Variants in HERC1 observed in about 807,000 individuals in gnomAD.
HERC1 encodes HECT and RLD domain containing E3 ubiquitin protein ligase family member 1.
HERC1 carries 160 observed loss-of-function variants against 554.3 expected under a neutral mutation model. The observed-to-expected ratio is 0.29, with a 90% CI of 0.25 to 0.33. The LOEUF is 0.33. Among genes scored for constraint, HERC1 ranks in the 10% least tolerant of loss-of-function variants. HERC1 has a pLI of 1.00. For synonymous variants in HERC1, 2,175 were observed against 2,131.7 expected, an observed-to-expected ratio of 1.02 and a Z score of -0.56; for missense variants, 4,919 against 5,918.5, an observed-to-expected ratio of 0.83 and a Z score of 5.54.
At chr15:63,811,616 T>C (rs2077313313) in intron 1 of HERC1, among the ~76,000 whole-genome samples, 2 of 151,920 alleles carry the variant, frequency 1.3e-5, no homozygotes, top group South Asian at 4.2e-4. Context: ...GAGACCATCC[T>C]GGCTAACATG....
Position 63,674,647 on chromosome 15 carries a change from C to A in HERC1, c.7541G>T (p.Gly2514Val). The stretch of plus-strand genomic sequence containing the variant: ...AAGGGCACTAAGTGACTTCATAGCA[C>A]CGAGGTAAAGATAGGACAGCTGGAC... ...RAVQLSYLYLGAMKSLSALLG... is the reference protein window; with the variant it reads ...RAVQLSYLYLVAMKSLSALLG... The change falls in exon 38 of 78, where the codon GGT becomes GTT. Residue 2514 changes from glycine to valine, a missense_variant. This residue lies in a region of HERC1 where 1,963 missense variants were observed against 2,228.6 expected (regional missense o/e 0.88). Transcript: ENST00000443617. The A allele has an allele frequency of 6.2e-7, 1 of 1,613,730 alleles. No homozygotes were observed. Among genetic ancestry groups the A allele is most frequent in the Non-Finnish European group, 8.5e-7 (1 of 1,179,754 alleles).
chr15:63,644,692 G>A (rs2069241844), intron 57 of HERC1, among the ~76,000 whole-genome samples: 1 of 152,084 alleles, frequency 6.6e-6, no homozygotes, highest in South Asian at 2.1e-4. Flanking sequence ...TGCTCCCATG[G>A]AGTTTCTATT....
intron 38 of HERC1, among the ~76,000 whole-genome samples, chr15:63,673,793 C>T (rs2071057724): frequency 6.6e-6 from 1 of 152,198 alleles, no homozygotes; most frequent in Non-Finnish European, 1.5e-5. Flanking sequence ...GGCACAATCT[C>T]GGCTCACTGT....
Position 63,650,047 on chromosome 15 carries a change from A to T in HERC1, c.10547-122T>A, listed in dbSNP as rs115845090. 920 of 654,868 alleles carry T rather than the reference A, an allele frequency of 1.4e-3. 9 individuals carry two copies. The African/African-American group carries it at 0.015, about 11-fold the overall frequency. The allele number at this position is 654,868 out of a possible 1,614,324, so 40.6% of individuals were successfully genotyped here. A position where few individuals can be genotyped will look rare whatever the true frequency, so the allele number is the denominator to read the frequency against. ...GCAGTTCCAAATTTCATAATAGCCT[A>T]CTAATGAATAAGACCATGAAGGCAG... On this transcript the variant is annotated intron_variant, in intron 53 of 77. Transcript: ENST00000443617.
Position 63,729,320 on chromosome 15 carries a change from G to T in HERC1, c.3070C>A (p.Pro1024Thr). 1 of 1,610,816 alleles carries T rather than the reference G, an allele frequency of 6.2e-7. No homozygotes were observed. The change falls in exon 16 of 78, where the codon CCT (proline) becomes ACT (threonine). Residue 1024 changes from proline to threonine, a missense_variant. This residue lies in a region of HERC1 where 1,121 missense variants were observed against 1,244.0 expected (regional missense o/e 0.90). Coordinates refer to ENST00000443617, the MANE Select transcript of HERC1 (RefSeq NM_003922.4). The stretch of plus-strand genomic sequence containing the variant: ...CGTGAATAAATATCTGTGGCATGAG[G>T]CAACAAAAGCTGAAGATGTTTATGA... ...LLHKHLQLLL[P>T]HATDIYSRSA...
chr15:63,624,129 A>C, intron 72 of HERC1, 29 bp downstream of exon 72: 1 of 1,559,488 alleles, frequency 6.4e-7, no homozygotes, highest in African/African-American at 1.4e-5. Flanking sequence ...ATCACAGCTC[A>C]TTAGTCAAAC....
chr15:63,793,842 G>A (rs12148666), intron 1 of HERC1, among the ~76,000 whole-genome samples: 39,332 of 151,968 alleles, frequency 0.26, 5,629 homozygotes, highest in Middle Eastern at 0.38. Flanking sequence ...GTAGGAGCTG[G>A]GTAAAATGAG....
intron 8 of HERC1, among the ~76,000 whole-genome samples, chr15:63,750,459 A>C (rs1281158648): frequency 6.6e-6 from 1 of 152,218 alleles, no homozygotes; most frequent in Non-Finnish European, 1.5e-5. Flanking sequence ...TTGGCAACCC[A>C]AAATCAACAA....
chr15:63,636,272 A>ATTTTT, intron 64 of HERC1, 130 bp from the exon 65 acceptor site: 1 of 608,568 alleles, frequency 1.6e-6, no homozygotes, highest in Non-Finnish European at 2.6e-6. Context: ...TAATTTCATT[A>ATTTTT]GTTTTTTTTT....
intron 38 of HERC1, 35 bp downstream of exon 38, chr15:63,674,307 A>C (rs1304196528): frequency 6.6e-7 from 1 of 1,517,776 alleles, no homozygotes; most frequent in East Asian, 2.3e-5. Flanking sequence ...TCTCAACAGC[A>C]CAAAAGCAAA....
intron 43 of HERC1, among the ~76,000 whole-genome samples, chr15:63,664,115 T>G (rs912254425): frequency 6.6e-6 from 1 of 152,188 alleles, no homozygotes. Flanking sequence ...TTTGGCACAG[T>G]GCCCTTTCCA....
rs1340865493 is a variant in HERC1, at chr15:63,623,847, C to T, written c.13489G>A (p.Val4497Ile). Residue 4497 changes from valine (V) to isoleucine (I), a missense_variant, in exon 73 of 78, where the codon GTA (valine) becomes ATA (isoleucine). Val to Ile is a conservative substitution (Grantham distance 29). Around this residue, in one of 11 missense-constraint regions of HERC1, gnomAD observed 410 missense variants for 467.0 expected, o/e 0.88. Transcript: ENST00000443617. Reference protein sequence around the residue: ...KPIFVQIARQVVKLNASDLRL... With the variant: ...KPIFVQIARQIVKLNASDLRL... ...AGGTCTGAAGCATTCAGCTTAACTACTTGTCTCGCTATTTGGACAAAAATA... is the reference window on the plus strand; with the variant it reads ...AGGTCTGAAGCATTCAGCTTAACTATTTGTCTCGCTATTTGGACAAAAATA... 1 of 1,614,030 alleles carries T rather than the reference C, an allele frequency of 6.2e-7. No individual in the cohort carries two copies. Among genetic ancestry groups the T allele is most frequent in the Non-Finnish European group, 8.5e-7 (1 of 1,179,896 alleles).
chr15:63,634,705 T>C (rs1566958246), intron 66 of HERC1, 28 bp downstream of exon 66: 4 of 1,590,140 alleles, frequency 2.5e-6, no homozygotes, highest in Middle Eastern at 1.7e-4. Context: ...AATGATCAGC[T>C]AGAATATCTT....
At chr15:63,682,408 G>C (rs1044762555) in intron 34 of HERC1, among the ~76,000 whole-genome samples, 2 of 152,168 alleles carry the variant, frequency 1.3e-5, no homozygotes, top group African/African-American at 4.8e-5. Flanking sequence ...CTTTAGATGA[G>C]CCAGAGTAGA....
In HERC1 at chr15:63,612,489, T is replaced by A; in HGVS notation, c.14162A>T (p.Lys4721Ile). The A allele has an allele frequency of 1.9e-6, 3 of 1,613,970 alleles. No individual in the cohort carries two copies. The highest frequency in any genetic ancestry group is 2.5e-6 in the Non-Finnish European group (3 of 1,179,870). ...CCCACACACCATCTGCTCCAGTTGTTTTGCTGTGAGGAGGGACAGCAGCGG... is the reference window on the plus strand; with the variant it reads ...CCCACACACCATCTGCTCCAGTTGTATTGCTGTGAGGAGGGACAGCAGCGG... ...PVPLLSLLTA[K>I]QLEQMVCGMP... Residue 4721 changes from lysine to isoleucine, a missense_variant, in exon 77 of 78, where the codon AAA (lysine) becomes ATA (isoleucine). Lys to Ile is a moderately radical substitution (Grantham distance 102). Around this residue, in one of 11 missense-constraint regions of HERC1, gnomAD observed 284 missense variants for 294.1 expected, o/e 0.97. Coordinates refer to ENST00000443617, the MANE Select transcript of HERC1 (RefSeq NM_003922.4). The surrounding 1 kb of genome is among the most constrained non-coding windows in gnomAD (Gnocchi z 5.0).
rs759335061 is a variant in HERC1 at position 63,645,538 on chromosome 15, T to C, written c.11023A>G (p.Ile3675Val). Residue 3675 changes from isoleucine to valine, a missense_variant, in exon 56 of 78, where the codon ATT (isoleucine) becomes GTT (valine). By Grantham distance (29) the Ile-to-Val change is conservative. Around this residue, in one of 11 missense-constraint regions of HERC1, gnomAD observed 1,963 missense variants for 2,228.6 expected, o/e 0.88. Transcript: ENST00000443617. ...TTCCCTGGAAGGCGGCACCAAGCAA[T>C]GCCATTTACAATAGATGGATGGCAG... ...SLCHPSIVNGIAWCRLPGKGS... is the reference protein window; with the variant it reads ...SLCHPSIVNGVAWCRLPGKGS... 5.6e-6 allele frequency: 9 copies of C among 1,612,962 alleles called. No homozygotes were observed. Among genetic ancestry groups the C allele is most frequent in the African/African-American group, 1.3e-5 (1 of 74,870 alleles).
At chr15:63,707,727 G>A (rs977034679) in intron 24 of HERC1, among the ~76,000 whole-genome samples, 2 of 151,878 alleles carry the variant, frequency 1.3e-5, no homozygotes, top group Non-Finnish European at 2.9e-5. Context: ...CCAGGAGTTC[G>A]AGACCAGCCG....
intron 24 of HERC1, among the ~76,000 whole-genome samples, chr15:63,711,455 C>T (rs531660802): frequency 6.6e-6 from 1 of 152,020 alleles, no homozygotes; most frequent in Admixed American, 6.5e-5. Flanking sequence ...AGTGGAAGCA[C>T]AGAGATATTA....
At chr15:63,829,472 T>TTTTATA (rs1555455567) in intron 1 of HERC1, among the ~76,000 whole-genome samples, 2 of 28,454 alleles carry the variant, frequency 7.0e-5, no homozygotes, top group South Asian at 7.4e-4. Context: ...ACATATATGT[T>TTTTATA]TATATAAATA....
Sources: allele counts gnomAD v4.1 joint callset (sites outside exome capture counted in the v4.1 genomes callset), GRCh38; gene constraint gnomAD v4.1.1; regional missense constraint gnomAD v4.1.1; non-coding constraint Gnocchi (gnomAD v3.1); transcripts MANE v1.5; gene names NCBI Gene and HGNC (gene_info 2026-07-23, HGNC 2026-07-21).